The following FOXP2 variants were observed in gnomAD, a reference collection of about 807,000 sequenced individuals.
FOXP2 encodes forkhead box protein P2.
FOXP2 carries 12 observed loss-of-function variants against 115.8 expected under a neutral mutation model. The observed-to-expected ratio is 0.10, with a 90% confidence interval of 0.07 to 0.17. The LOEUF (loss-of-function observed/expected upper bound fraction) is 0.17. Ranked by LOEUF, FOXP2 falls within the 10% of genes least tolerant of loss-of-function variation. The pLI is 1.00. For missense variants in FOXP2, 629 were observed against 843.5 expected (o/e 0.75, Z 3.15); for synonymous variants, 328 against 297.7 (o/e 1.10, Z -1.05).
intron 2 of FOXP2, among the ~76,000 whole-genome samples, chr7:114,464,100 C>T (rs1795702809): frequency 6.6e-6 from 1 of 152,120 alleles, no homozygotes; most frequent in Non-Finnish European, 1.5e-5. Flanking sequence ...TTTTATTCCC[C>T]TGTAAGTTGA....
At chr7:114,462,366 C>CTTTTTTTTTT (rs1170387045) in intron 2 of FOXP2, among the ~76,000 whole-genome samples, 3 of 89,286 alleles carry the variant, frequency 3.4e-5, no homozygotes, top group Non-Finnish European at 4.2e-5. Context: ...AGCATAATAT[C>CTTTTTTTTTT]TTTTTTTTTT....
chr7:114,513,999 T>A (rs1798200757), intron 2 of FOXP2, among the ~76,000 whole-genome samples: 1 of 151,978 alleles, frequency 6.6e-6, no homozygotes, highest in South Asian at 2.1e-4. Context: ...TCACTAACAT[T>A]TTTTAAATTG....
At chr7:114,524,483 C>T (rs975150583) in intron 2 of FOXP2, among the ~76,000 whole-genome samples, 5 of 151,828 alleles carry the variant, frequency 3.3e-5, no homozygotes, top group African/African-American at 1.2e-4. Context: ...CCTGACTACC[C>T]CTTGTAGAAA....
At chr7:114,609,296 C>G (rs1803504726) in intron 3 of FOXP2, among the ~76,000 whole-genome samples, 1 of 151,500 alleles carries the variant, frequency 6.6e-6, no homozygotes, top group South Asian at 2.1e-4. Flanking sequence ...ATAAAAAGAA[C>G]TGTGCAAGTT....
intron 3 of FOXP2, among the ~76,000 whole-genome samples, chr7:114,587,915 A>C (rs1339561033): frequency 6.8e-6 from 1 of 146,350 alleles, no homozygotes; most frequent in Non-Finnish European, 1.5e-5. Flanking sequence ...AATGATTCTG[A>C]AATTCTCATC....
intron 2 of FOXP2, among the ~76,000 whole-genome samples, chr7:114,433,264 A>G (rs986772937): frequency 3.3e-5 from 5 of 152,032 alleles, no homozygotes; most frequent in Non-Finnish European, 5.9e-5. Flanking sequence ...AGAGACTGAA[A>G]TGTTTACATT....
chr7:114,436,060 C>G (rs1370862208), intron 2 of FOXP2, among the ~76,000 whole-genome samples: 1 of 151,990 alleles, frequency 6.6e-6, no homozygotes, highest in Non-Finnish European at 1.5e-5. Context: ...TTTAAAAAAG[C>G]AAGGCTTGGG....
intron 1 of FOXP2, among the ~76,000 whole-genome samples, chr7:114,257,517 G>A (rs1007943787): frequency 3.7e-5 from 5 of 136,880 alleles, no homozygotes; most frequent in Admixed American, 2.5e-4. Flanking sequence ...GCAGTGGCAC[G>A]ATCTCAGCTC....
chr7:114,675,198 C>T (rs563533265), intron 16 of FOXP2, among the ~76,000 whole-genome samples: 81 of 152,076 alleles, frequency 5.3e-4, no homozygotes, highest in Non-Finnish European at 9.3e-4. Context: ...TATGTAATTT[C>T]CTTTATATAT....
intron 2 of FOXP2, among the ~76,000 whole-genome samples, chr7:114,393,607 G>T (rs923036808): frequency 1.3e-5 from 2 of 152,036 alleles, no homozygotes; most frequent in Admixed American, 6.6e-5. Context: ...GAAAGGTAAG[G>T]ACATATCTCC....
At chr7:114,264,848 G>C (rs976518475) in intron 1 of FOXP2, among the ~76,000 whole-genome samples, 2 of 152,126 alleles carry the variant, frequency 1.3e-5, no homozygotes, top group Non-Finnish European at 2.9e-5. Context: ...AAGAGAGAGA[G>C]TGTGCGGGGT....
intron 2 of FOXP2, among the ~76,000 whole-genome samples, chr7:114,533,539 C>T (rs1799240187): frequency 6.6e-6 from 1 of 151,900 alleles, no homozygotes; most frequent in African/African-American, 2.4e-5. Context: ...TACTTTTTAT[C>T]AGCTGAAATT....
chr7:114,656,578 T>C (rs1465962074), intron 10 of FOXP2: 3 of 418,668 alleles, frequency 7.2e-6, no homozygotes, highest in African/African-American at 6.2e-5. Flanking sequence ...AGGAGCATTA[T>C]CTCAGCTTTC....
chr7:114,117,715 G>C (rs1424651012), intron 1 of FOXP2, among the ~76,000 whole-genome samples: 3 of 152,112 alleles, frequency 2.0e-5, no homozygotes, highest in African/African-American at 4.8e-5. Context: ...ATTCCCCAGT[G>C]TCTTAGCTTG....
chr7:114,259,737 T>C (rs1795700953), intron 1 of FOXP2, among the ~76,000 whole-genome samples: 2 of 152,184 alleles, frequency 1.3e-5, no homozygotes, highest in Admixed American at 1.3e-4. Flanking sequence ...GATGCACTTG[T>C]TAATGATGGG....
At chr7:114,116,978 G>A (rs976362382) in intron 1 of FOXP2, among the ~76,000 whole-genome samples, 8 of 151,932 alleles carry the variant, frequency 5.3e-5, no homozygotes, top group African/African-American at 1.9e-4. Context: ...AAAATTTAAA[G>A]TTAATACATA....
intron 3 of FOXP2, among the ~76,000 whole-genome samples, chr7:114,588,504 C>G (rs186176023): frequency 2.6e-5 from 4 of 152,174 alleles, no homozygotes; most frequent in Admixed American, 2.6e-4. Context: ...AAATGAAATA[C>G]TCTCTGCCCA....
At chr7:114,274,509 C>T (rs961387225) in intron 1 of FOXP2, among the ~76,000 whole-genome samples, 9 of 149,028 alleles carry the variant, frequency 6.0e-5, no homozygotes, top group African/African-American at 2.0e-4. Context: ...AATTTCCTTC[C>T]GTTTTTATTT....
intron 3 of FOXP2, among the ~76,000 whole-genome samples, chr7:114,603,208 G>A (rs970194835): frequency 3.3e-5 from 5 of 152,136 alleles, no homozygotes; most frequent in African/African-American, 1.2e-4. Flanking sequence ...AAAGACATCA[G>A]AGTTGTATTA....
Sources: gnomAD v4.1 joint callset for allele counts (sites outside exome capture counted in the v4.1 genomes callset) on GRCh38, gnomAD v4.1.1 for gene constraint, MANE v1.5 for transcripts, NCBI Gene and HGNC (gene_info 2026-07-23, HGNC 2026-07-21) for gene names.